MPRIP: variants seen among roughly 807,000 people sequenced by gnomAD.
The protein encoded by MPRIP is myosin phosphatase Rho-interacting protein.
Under a neutral mutation model 234.9 loss-of-function variants are expected in MPRIP, and 59 were observed. The ratio of observed to expected loss-of-function variants is 0.25; its 90% CI spans 0.20 to 0.31. MPRIP has a LOEUF of 0.31. Among genes scored for constraint, MPRIP ranks in the 10% least tolerant of loss-of-function variants. The pLI, the probability that MPRIP is intolerant of heterozygous loss-of-function variation, is 1.00. For synonymous variants in MPRIP, 1,144 were observed against 1,263.9 expected (o/e 0.91, Z 2.01); for missense variants, 2,436 against 3,071.0 (o/e 0.79, Z 4.89).
chr17:17,076,107 C>T (rs920762073), intron 2 of MPRIP: 5 of 230,270 alleles, frequency 2.2e-5, no homozygotes, highest in African/African-American at 1.1e-4. Flanking sequence ...GAGCAGCTCC[C>T]AATTCCTTCC....
chr17:17,045,673 G>A (rs1421011899), intron 1 of MPRIP, among the ~76,000 whole-genome samples: 1 of 152,144 alleles, frequency 6.6e-6, no homozygotes, highest in African/African-American at 2.4e-5. Context: ...CCTCCTCACG[G>A]AAATTTGGAG....
At chr17:17,163,811 T>A (rs1490071727) in intron 15 of MPRIP, among the ~76,000 whole-genome samples, 1 of 152,202 alleles carries the variant, frequency 6.6e-6, no homozygotes, top group Non-Finnish European at 1.5e-5. Context: ...GTTTTGCTTC[T>A]TAGTGTGTTC....
At chr17:17,070,388 G>A (rs1029212500) in intron 1 of MPRIP, among the ~76,000 whole-genome samples, 2 of 152,130 alleles carry the variant, frequency 1.3e-5, no homozygotes, top group Non-Finnish European at 2.9e-5. Context: ...AGACTCTGAT[G>A]ACATGAATGT....
intron 22 of MPRIP, 119 bp from the exon 23 acceptor site, chr17:17,179,884 G>A (rs181994593): frequency 8.0e-5 from 63 of 786,044 alleles, no homozygotes; most frequent in Middle Eastern, 4.5e-4. Flanking sequence ...GTTGTTTAAG[G>A]AATTGTCCTA....
Position 17,132,665 on chromosome 17 carries a change from G to T in MPRIP, c.504+964G>T, listed in dbSNP as rs1305252217. On this transcript the variant is annotated intron_variant, in intron 5 of 23. Coordinates refer to ENST00000651222, the MANE Select transcript of MPRIP (RefSeq NM_001364716.4). The stretch of plus-strand genomic sequence containing the variant: ...GGCTGCCCTTGGATATACCTGCCCT[G>T]GGCTGCTGTATTGGCCCTCCTGCTG... Among the ~76,000 whole-genome samples, 8 of 152,334 alleles carry T rather than the reference G, an allele frequency of 5.3e-5. No homozygotes were observed. In the East Asian group the frequency reaches 1.5e-3, roughly 29 times the overall value.
chr17:17,045,624 G>C (rs941959819), intron 1 of MPRIP, among the ~76,000 whole-genome samples: 30 of 152,186 alleles, frequency 2.0e-4, no homozygotes, highest in African/African-American at 6.0e-4. Flanking sequence ...GAGGTGCCTT[G>C]AGAATGCTGG....
Position 17,101,602 on chromosome 17 carries a change from A to C in MPRIP, c.267+23526A>C, listed in dbSNP as rs113208522. On this transcript the variant is annotated intron_variant, in intron 3 of 23. Transcript: ENST00000651222. ...AATTTTTTTTAAACAACAACAACAA[A>C]AAAAATATATATATAGTTACTTCAA... Among the ~76,000 whole-genome samples the C allele has an allele frequency of 9.7e-3, 1,248 of 128,458 alleles. 6 individuals carry two copies. The highest frequency in any genetic ancestry group is 0.014 in the Non-Finnish European group (851 of 62,076). The allele number at this position is 128,458 out of a possible 152,430, so 84.3% of individuals were successfully genotyped here.
intron 1 of MPRIP, among the ~76,000 whole-genome samples, chr17:17,068,025 G>A (rs1441103507): frequency 6.6e-6 from 1 of 151,850 alleles, no homozygotes; most frequent in African/African-American, 2.4e-5. Context: ...AATTGTATTA[G>A]TATTCCTCAT....
At chr17:17,046,704 T>C (rs1311813699) in intron 1 of MPRIP, among the ~76,000 whole-genome samples, 2 of 152,184 alleles carry the variant, frequency 1.3e-5, no homozygotes, top group African/African-American at 4.8e-5. Context: ...TTTCTATAAG[T>C]GCTTTAGGTC....
chr17:17,141,587 TC>T (rs2090819646), intron 7 of MPRIP: 1 of 152,632 alleles, frequency 6.6e-6, no homozygotes, highest in Admixed American at 6.5e-5. Context: ...CAGTTTTCCC[TC>T]GCACTCCCTG....
chr17:17,109,081 C>G (rs1258451905), intron 3 of MPRIP, among the ~76,000 whole-genome samples: 2 of 152,232 alleles, frequency 1.3e-5, no homozygotes, highest in Non-Finnish European at 2.9e-5. Flanking sequence ...CTCTCCTTAC[C>G]CTCGCCACTT....
chr17:17,176,455 A>G lies in MPRIP; in HGVS notation c.6900A>G (p.Ile2300Met), dbSNP rs770091471. Residue 2300 changes from isoleucine to methionine, a missense_variant, in exon 21 of 24, where the codon ATA becomes ATG. Around this residue, in one of 4 missense-constraint regions of MPRIP, gnomAD observed 1,998 missense variants for 2,520.3 expected, o/e 0.79. Transcript: ENST00000651222. ...EVLLRVKESE[I>M]QYLKQEISSL... The stretch of plus-strand genomic sequence containing the variant: ...TATTGCGGGTAAAGGAATCGGAAAT[A>G]CAGTACCTGAAACAGGAGATTAGCT... The G allele has an allele frequency of 1.3e-5, 21 of 1,613,972 alleles. No homozygotes were observed. Among genetic ancestry groups the G allele is most frequent in the East Asian group, 8.9e-5 (4 of 44,890 alleles).
chr17:17,143,071 T>C (rs1245780818), intron 8 of MPRIP, among the ~76,000 whole-genome samples: 1 of 152,184 alleles, frequency 6.6e-6, no homozygotes, highest in Non-Finnish European at 1.5e-5. Context: ...CCTAACTCTT[T>C]CTTTCAGTAC....
chr17:17,134,583 G>A (rs2090658152), intron 5 of MPRIP, among the ~76,000 whole-genome samples: 2 of 152,226 alleles, frequency 1.3e-5, no homozygotes. Context: ...TGTGCGTCCT[G>A]GGTCTGTGGG....
intron 1 of MPRIP, among the ~76,000 whole-genome samples, chr17:17,059,887 G>A (rs1451358531): frequency 6.6e-6 from 1 of 152,110 alleles, no homozygotes; most frequent in Non-Finnish European, 1.5e-5. Flanking sequence ...CAGCAGTCCT[G>A]GCATAATTAG....
chr17:17,163,928 TAAA>T (rs370017367), intron 15 of MPRIP, among the ~76,000 whole-genome samples, 178 bp from the exon 16 acceptor site: 3 of 129,436 alleles, frequency 2.3e-5, no homozygotes, highest in East Asian at 2.1e-4. Context: ...AGCTACTTAC[TAAA>T]AAAAAAAAAA....
rs531494662 is a variant in MPRIP, at chr17:17,165,471, T to C, written c.3880T>C (p.Ser1294Pro). The C allele has an allele frequency of 7.7e-7, 1 of 1,304,128 alleles. No individual in the cohort carries two copies. The highest frequency in any genetic ancestry group is 1.2e-5 in the South Asian group (1 of 81,018). The allele number at this position is 1,304,128 out of a possible 1,614,324, so 80.8% of individuals were successfully genotyped here. The change falls in exon 16 of 24, where the codon TCA (serine) becomes CCA (proline). Residue 1294 changes from serine (S) to proline (P), a missense_variant. By Grantham distance (74) the Ser-to-Pro change is moderately conservative. This residue lies in a region of MPRIP where 1,998 missense variants were observed against 2,520.3 expected (regional missense o/e 0.79). Coordinates refer to ENST00000651222, the MANE Select transcript of MPRIP (RefSeq NM_001364716.4). ...SREDSMVPPK[S>P]VEVLDREGHQ... ...GGAAGACAGCATGGTGCCCCCAAAG[T>C]CAGTGGAAGTGCTTGACAGGGAGGG...
At chr17:17,049,655 A>G (rs2088470095) in intron 1 of MPRIP, among the ~76,000 whole-genome samples, 1 of 152,244 alleles carries the variant, frequency 6.6e-6, no homozygotes, top group African/African-American at 2.4e-5. Flanking sequence ...CCTTTTACTC[A>G]AAAGAAATCT....
At chr17:17,169,286 T>C (rs989096069) in intron 16 of MPRIP, among the ~76,000 whole-genome samples, 1 of 152,192 alleles carries the variant, frequency 6.6e-6, no homozygotes, top group African/African-American at 2.4e-5. Flanking sequence ...CGCTTGCTAG[T>C]GCCCTTCCCT....
Sources: gnomAD v4.1 joint callset for allele counts (sites outside exome capture counted in the v4.1 genomes callset) on GRCh38, gnomAD v4.1.1 for gene constraint, gnomAD v4.1.1 regional missense constraint, MANE v1.5 for transcripts, NCBI Gene and HGNC (gene_info 2026-07-23, HGNC 2026-07-21) for gene names.